Variants in TMEM190 observed in about 807,000 individuals in gnomAD.
TMEM190 encodes the protein transmembrane protein 190.
In TMEM190, 17 loss-of-function variants were observed where a neutral mutation model predicts 17.1. That is an observed-to-expected ratio of 0.99 (90% CI 0.68 to 1.49). The LOEUF (loss-of-function observed/expected upper bound fraction) is 1.49. Ranked by LOEUF, TMEM190 falls within the 40% of genes most tolerant of loss-of-function variation. TMEM190 has a pLI of 0.00. For synonymous variants in TMEM190, 101 were observed against 103.8 expected, an observed-to-expected ratio of 0.97 and a Z score of 0.16; for missense variants, 246 against 245.0, an observed-to-expected ratio of 1.00 and a Z score of -0.03.
chr19:55,377,803 A>G lies in TMEM190; in HGVS notation c.222A>G (p.Glu74=). 1.9e-6 allele frequency: 3 copies of G among 1,612,510 alleles called. No homozygotes were observed. The South Asian group carries it at 3.3e-5, about 18-fold the overall frequency. The change falls in exon 4 of 5, where the codon GAA becomes GAG. Residue 74 remains glutamate, a splice_region_variant and synonymous_variant. Transcript: ENST00000291934. The part of the protein sequence containing the change: ...NGVCYHQRPD[E]NVRRKHMWAL... Reference sequence around the variant, plus strand: ...CTTAACCCTGCCTCCCTTGTCCAGAAAACGTGCGGAGGAAGCACATGTGGG... The same window carrying G: ...CTTAACCCTGCCTCCCTTGTCCAGAGAACGTGCGGAGGAAGCACATGTGGG...
At position 55,377,987 on chromosome 19, in the gene TMEM190, C is replaced by G. The variant is rs753325712; in HGVS notation, c.318C>G (p.Arg106=). The G allele has an allele frequency of 1.4e-5, 22 of 1,611,748 alleles. No homozygotes were observed. The highest frequency in any genetic ancestry group is 1.8e-5 in the Non-Finnish European group (21 of 1,179,884). ...CCGCTCCCTGCAGGTGGGCCAAGCG[C>G]CGGGACGTGCTGCATATGCCCGGTT... ...CSICLFWWAK[R]RDVLHMPGFL... Residue 106 remains arginine, a synonymous_variant, in exon 5 of 5, where the codon CGC becomes CGG. Coordinates refer to ENST00000291934, the MANE Select transcript of TMEM190 (RefSeq NM_139172.3).
chr19:55,376,877 G>T lies in TMEM190; in HGVS notation c.24G>T (p.Ala8=), dbSNP rs773478209. 2.3e-5 allele frequency: 36 copies of T among 1,582,036 alleles called. No individual in the cohort carries two copies. Among genetic ancestry groups the T allele is most frequent in the Non-Finnish European group, 3.0e-5 (35 of 1,164,236 alleles). The stretch of plus-strand genomic sequence containing the variant: ...ACATGTTGGGCTGTGGGATCCCAGC[G>T]CTGGGCCTGCTCCTGCTGCTGCAGG... MLGCGIP[A]LGLLLLLQGS... is the part of the protein sequence containing the mutation. The change falls in exon 1 of 5, where the codon GCG becomes GCT. Residue 8 remains alanine, a synonymous_variant. Coordinates refer to ENST00000291934, the MANE Select transcript of TMEM190 (RefSeq NM_139172.3).
Position 55,378,214 on chromosome 19 carries a change from G to C in TMEM190, c.*11G>C. ...GAAGAGGAGGATTAGGGGAGTCCCC[G>C]GGGGACTGCTCAATACAGATACGGT... On this transcript the variant is annotated 3_prime_UTR_variant, in exon 5 of 5. Transcript: ENST00000291934. 3.9e-6 allele frequency: 6 copies of C among 1,529,150 alleles called. No homozygotes were observed. The highest frequency in any genetic ancestry group is 1.3e-5 in the South Asian group (1 of 78,244). 94.7% of individuals were successfully genotyped at this position (1,529,150 alleles called of 1,614,324 possible).
At chr19:55,377,918 C>T in intron 4 of TMEM190, 32 bp downstream of exon 4, 1 of 1,606,544 alleles carries the variant, frequency 6.2e-7, no homozygotes, top group Non-Finnish European at 8.5e-7. Flanking sequence ...CGGGCGCCTG[C>T]ACCCCCAGGG....
chr19:55,376,942 G>T (rs1255122274), intron 1 of TMEM190, 31 bp downstream of exon 1: 4 of 1,557,044 alleles, frequency 2.6e-6, no homozygotes, highest in Non-Finnish European at 2.6e-6. Context: ...GGGAGCTGAG[G>T]AGGGACGCCC....
rs1413724197 is a variant in TMEM190, at chr19:55,377,838, G to T, written c.257G>T (p.Trp86Leu). The part of the protein sequence containing the change: ...VRRKHMWALV[W>L]TCSGLLLLSC... Reference sequence around the variant, plus strand: ...AGGAAGCACATGTGGGCGCTGGTCTGGACGTGCAGCGGCCTCCTCCTCCTG... The same window carrying T: ...AGGAAGCACATGTGGGCGCTGGTCTTGACGTGCAGCGGCCTCCTCCTCCTG... The change falls in exon 4 of 5, where the codon TGG becomes TTG. Residue 86 changes from tryptophan to leucine, a missense_variant. Coordinates refer to ENST00000291934, the MANE Select transcript of TMEM190 (RefSeq NM_139172.3). The T allele has an allele frequency of 1.6e-5, 25 of 1,611,196 alleles. No individual in the cohort carries two copies. The Admixed American group carries it at 4.2e-4, about 27-fold the overall frequency.
rs369552487 is a variant in TMEM190 at position 55,377,639 on chromosome 19, G to A, written c.141G>A (p.Ala47=). The change falls in exon 3 of 5, where the codon GCG becomes GCA. Residue 47 remains alanine, a synonymous_variant. Coordinates refer to ENST00000291934, the MANE Select transcript of TMEM190 (RefSeq NM_139172.3). The part of the protein sequence containing the change: ...IWDRESCGGQ[A]AIDSPNLCLR... ...ACCGGGAGAGCTGTGGGGGCCAGGC[G>A]GCCATCGATAGCCCCAACCTCTGCC... The A allele has an allele frequency of 5.6e-6, 9 of 1,613,242 alleles. No homozygotes were observed. The highest frequency in any genetic ancestry group is 3.3e-5 in the Admixed American group (2 of 59,940).
At chr19:55,377,490 A>G in intron 2 of TMEM190, 103 bp from the exon 3 acceptor site, 14 of 1,522,456 alleles carry the variant, frequency 9.2e-6, no homozygotes, top group Non-Finnish European at 1.2e-5. Context: ...GCACAGAGTA[A>G]GCACCAGGAA....
Position 55,378,242 on chromosome 19 carries a change from AC to A in TMEM190, c.*40del. The A allele has an allele frequency of 6.8e-7, 1 of 1,468,700 alleles. No individual in the cohort carries two copies. Among genetic ancestry groups the A allele is most frequent in the Non-Finnish European group, 9.0e-7 (1 of 1,107,166 alleles). 91.0% of individuals were successfully genotyped at this position (1,468,700 alleles called of 1,614,324 possible). On this transcript the variant is annotated 3_prime_UTR_variant, in exon 5 of 5. Coordinates refer to ENST00000291934, the MANE Select transcript of TMEM190 (RefSeq NM_139172.3). ...GGACTGCTCAATACAGATACGGTGG[AC>A]GGACGTGTGTTCTCTTCTCTGAAAG...
At chr19:55,376,961 A>G (rs778875921) in intron 1 of TMEM190, 30 bp from the exon 2 acceptor site, 6 of 1,552,574 alleles carry the variant, frequency 3.9e-6, no homozygotes, top group Non-Finnish European at 4.4e-6. Flanking sequence ...CCGGCTCCAC[A>G]CAGCCCTAAC....
At chr19:55,377,115 C>G (rs1175731302) in intron 2 of TMEM190, 89 bp downstream of exon 2, 1 of 1,456,460 alleles carries the variant, frequency 6.9e-7, no homozygotes, top group African/African-American at 1.4e-5. Flanking sequence ...GGGGCCTGGA[C>G]TCCTGGATCT....
chr19:55,377,340 A>AGGG (rs1335785265), intron 2 of TMEM190, among the ~76,000 whole-genome samples: 20 of 40,994 alleles, frequency 4.9e-4, no homozygotes, highest in African/African-American at 9.6e-4. Flanking sequence ...CCTGGGTCTG[A>AGGG]AGGAGGGGGC....
chr19:55,377,927 G>T lies in TMEM190; in HGVS notation c.305+41G>T, dbSNP rs774869765. 5 of 1,606,500 alleles carry T rather than the reference G, an allele frequency of 3.1e-6. No individual in the cohort carries two copies. The East Asian group carries it at 8.9e-5, about 29-fold the overall frequency. On this transcript the variant is annotated intron_variant, in intron 4 of 4. Coordinates refer to ENST00000291934, the MANE Select transcript of TMEM190 (RefSeq NM_139172.3). The stretch of plus-strand genomic sequence containing the variant: ...ATAGGGCGGGCGCCTGCACCCCCAG[G>T]GGGAGGGTCCGGCGGAGGGCGGGGG...
chr19:55,377,611 G>A lies in TMEM190; in HGVS notation c.113G>A (p.Trp38Ter). The change falls in exon 3 of 5, where the codon TGG (tryptophan) becomes TAG (stop). Residue 38 changes from tryptophan to a stop codon, truncating the protein, a stop_gained. Transcript: ENST00000291934. LOFTEE classifies it high-confidence loss of function. ...TCCCCAGGCTGTGAGGGTGACATAT[G>A]GGACCGGGAGAGCTGTGGGGGCCAG... Reference protein sequence around the residue: ...FYPWSCEGDIWDRESCGGQAA... With the variant: ...FYPWSCEGDI 1.2e-6 allele frequency: 2 copies of A among 1,612,116 alleles called. No individual in the cohort carries two copies. The highest frequency in any genetic ancestry group is 1.7e-6 in the Non-Finnish European group (2 of 1,178,976).
intron 2 of TMEM190, 82 bp from the exon 3 acceptor site, chr19:55,377,511 G>C: frequency 6.5e-7 from 1 of 1,542,456 alleles, no homozygotes; most frequent in Non-Finnish European, 8.7e-7. Flanking sequence ...GGCAGCCTGG[G>C]AGCATGGCCT....
intron 4 of TMEM190, 23 bp downstream of exon 4, chr19:55,377,909 G>A (rs754366626): frequency 6.8e-6 from 11 of 1,606,662 alleles, no homozygotes; most frequent in South Asian, 5.5e-5. Context: ...GGGATAGGGC[G>A]GGCGCCTGCA....
rs749810349 is a variant in TMEM190 at position 55,378,086 on chromosome 19, G to A, written c.417G>A (p.Pro139=). 2.2e-5 allele frequency: 36 copies of A among 1,610,374 alleles called. No individual in the cohort carries two copies. The highest frequency in any genetic ancestry group is 1.0e-4 in the Admixed American group (6 of 59,744). ...AGCACCGAGGGACCAAGAAGACGCCGTCCACGGGCAGCGTGCCAGTCGCCC... is the reference window on the plus strand; with the variant it reads ...AGCACCGAGGGACCAAGAAGACGCCATCCACGGGCAGCGTGCCAGTCGCCC... The part of the protein sequence containing the change: ...LSKHRGTKKT[P]STGSVPVALS... The change falls in exon 5 of 5, where the codon CCG becomes CCA. Residue 139 remains proline (P), a synonymous_variant. Transcript: ENST00000291934.
At position 55,377,969 on chromosome 19, in the gene TMEM190, C is replaced by G. The variant is rs764489538; in HGVS notation, c.306-6C>G. 1.8e-5 allele frequency: 29 copies of G among 1,610,574 alleles called. No homozygotes were observed. Among genetic ancestry groups the G allele is most frequent in the Non-Finnish European group, 2.4e-5 (28 of 1,179,750 alleles). On this transcript the variant is annotated splice_polypyrimidine_tract_variant and splice_region_variant and intron_variant, in intron 4 of 4. Coordinates refer to ENST00000291934, the MANE Select transcript of TMEM190 (RefSeq NM_139172.3). ...GGGCGGGGGCTGAGCCGTCCGCTCC[C>G]TGCAGGTGGGCCAAGCGCCGGGACG...
rs1298333740 is a variant in TMEM190 at position 55,378,074 on chromosome 19, CAAG to C, written c.410_412del (p.Lys137del). On this transcript the variant is annotated inframe_deletion, in exon 5 of 5. Transcript: ENST00000291934. ...CGCTGCTCTCCAAGCACCGAGGGAC[CAAG>C]AAGACGCCGTCCACGGGCAGCGTGC... is the stretch of plus-strand genomic sequence containing the variant. 2 of 1,611,440 alleles carry C rather than the reference CAAG, an allele frequency of 1.2e-6. No homozygotes were observed. Among genetic ancestry groups the C allele is most frequent in the African/African-American group, 2.7e-5 (2 of 74,768 alleles).
Sources: gnomAD v4.1 joint callset for allele counts (sites outside exome capture counted in the v4.1 genomes callset) on GRCh38, gnomAD v4.1.1 for gene constraint, MANE v1.5 for transcripts, NCBI Gene and HGNC (gene_info 2026-07-23, HGNC 2026-07-21) for gene names.